Variants in LZTS1 observed in about 807,000 individuals in gnomAD.
LZTS1 encodes leucine zipper tumor suppressor 1.
LZTS1 carries 31 observed loss-of-function variants against 45.8 expected under a neutral mutation model. That is an observed-to-expected ratio of 0.68 (90% CI 0.51 to 0.91). LZTS1 has a LOEUF of 0.91. LZTS1 is among the 40% of genes least tolerant of loss of function. LZTS1 has a pLI of 0.00. For synonymous variants in LZTS1, 359 were observed against 357.3 expected, an observed-to-expected ratio of 1.00 and a Z score of -0.05; for missense variants, 821 against 788.9, an observed-to-expected ratio of 1.04 and a Z score of -0.49.
intron 1 of LZTS1, among the ~76,000 whole-genome samples, chr8:20,302,044 G>A (rs557671816): frequency 6.6e-6 from 1 of 152,136 alleles, no homozygotes; most frequent in African/African-American, 2.4e-5. Context: ...CATCCACCCA[G>A]CTGAGACCTC....
intron 2 of LZTS1, 61 bp from the exon 3 acceptor site, chr8:20,253,646 T>G (rs1585277326): frequency 4.6e-6 from 6 of 1,313,020 alleles, no homozygotes; most frequent in East Asian, 5.1e-5. Flanking sequence ...GCACCCTCCC[T>G]CCCCAGGCAC....
chr8:20,250,131 G>A lies in LZTS1; in HGVS notation c.1382C>T (p.Ala461Val), dbSNP rs138293365. Residue 461 changes from alanine (A) to valine (V), a missense_variant, in exon 4 of 4, where the codon GCG (alanine) becomes GTG (valine). Transcript: ENST00000381569. ...GTTCACCTTCTCCCGCAGCAGCTCC[G>A]CCTCGTTCTTCTTGCGCTGCAGCTC... The part of the protein sequence containing the change: ...ENELQRKKNE[A>V]ELLREKVNLL... 7.4e-5 allele frequency: 119 copies of A among 1,607,838 alleles called. No homozygotes were observed. The highest frequency in any genetic ancestry group is 3.7e-4 in the South Asian group (34 of 91,012).
At chr8:20,279,021 A>G (rs1179692331) in intron 1 of LZTS1, among the ~76,000 whole-genome samples, 1 of 152,220 alleles carries the variant, frequency 6.6e-6, no homozygotes, top group East Asian at 1.9e-4. Flanking sequence ...CACTCAGCAC[A>G]TAATGCTCTC....
chr8:20,280,629 C>T (rs534856920), intron 1 of LZTS1, among the ~76,000 whole-genome samples: 24 of 152,256 alleles, frequency 1.6e-4, no homozygotes, highest in Non-Finnish European at 2.5e-4. Flanking sequence ...GAGTCGATTG[C>T]GCTAATGTTA....
chr8:20,277,065 A>C (rs923387435), intron 1 of LZTS1, among the ~76,000 whole-genome samples: 1 of 152,246 alleles, frequency 6.6e-6, no homozygotes, highest in African/African-American at 2.4e-5. Context: ...TGAGACAGGA[A>C]GTAGGCAGAA....
intron 1 of LZTS1, among the ~76,000 whole-genome samples, chr8:20,299,959 T>C (rs930668505): frequency 2.0e-5 from 3 of 152,330 alleles, no homozygotes; most frequent in African/African-American, 7.2e-5. Flanking sequence ...CCTGGAACCA[T>C]GTGGCGGCTC....
rs1352766473 is a variant in LZTS1 at position 20,249,943 on chromosome 8, C to G, written c.1570G>C (p.Gly524Arg). ...ERQGHDQMSS[G>R]FQHERLVWKE... ...CACACGAGCCGCTCATGCTGGAAGC[C>G]CGAGGACATCTGGTCATGGCCTTGC... The change falls in exon 4 of 4, where the codon GGC becomes CGC. Residue 524 changes from glycine (G) to arginine (R), a missense_variant. Physicochemically the swap from Gly to Arg is moderately radical, Grantham distance 125. Coordinates refer to ENST00000381569, the MANE Select transcript of LZTS1 (RefSeq NM_021020.5). 6.2e-7 allele frequency: 1 copy of G among 1,614,184 alleles called. No homozygotes were observed. The highest frequency in any genetic ancestry group is 1.1e-5 in the South Asian group (1 of 91,084).
intron 1 of LZTS1, among the ~76,000 whole-genome samples, chr8:20,299,780 AC>A (rs1563904875): frequency 6.6e-6 from 1 of 152,182 alleles, no homozygotes; most frequent in Non-Finnish European, 1.5e-5. Flanking sequence ...GTAGCAATTC[AC>A]ACTCTCAACT....
intron 1 of LZTS1, chr8:20,290,405 G>A (rs1328885609): frequency 1.3e-5 from 2 of 152,268 alleles, no homozygotes; most frequent in African/African-American, 4.8e-5. Context: ...ACAAAGAGGA[G>A]AAGGAAGGCA....
chr8:20,295,964 C>T (rs918027276), intron 1 of LZTS1, among the ~76,000 whole-genome samples: 2 of 152,218 alleles, frequency 1.3e-5, no homozygotes, highest in African/African-American at 4.8e-5. Flanking sequence ...TCTCTCCCCT[C>T]TCCTTGCATG....
chr8:20,290,745 C>A (rs573597233), intron 1 of LZTS1, among the ~76,000 whole-genome samples: 2 of 152,330 alleles, frequency 1.3e-5, no homozygotes, highest in South Asian at 2.1e-4. Flanking sequence ...TTTTCTTTCT[C>A]TCCCTTTCCT....
At chr8:20,282,294 G>A (rs1373189195) in intron 1 of LZTS1, among the ~76,000 whole-genome samples, 1 of 152,220 alleles carries the variant, frequency 6.6e-6, no homozygotes, top group Non-Finnish European at 1.5e-5. Flanking sequence ...GCACTGGTGG[G>A]AAAGGCTTGC....
At chr8:20,261,747 G>C (rs2128894390) in intron 1 of LZTS1, among the ~76,000 whole-genome samples, 1 of 152,380 alleles carries the variant, frequency 6.6e-6, no homozygotes, top group East Asian at 1.9e-4. Context: ...AGTTGAAGCA[G>C]CTATGCCTTG....
At chr8:20,282,173 C>G (rs1236628849) in intron 1 of LZTS1, among the ~76,000 whole-genome samples, 1 of 152,142 alleles carries the variant, frequency 6.6e-6, no homozygotes, top group East Asian at 1.9e-4. Context: ...TTGGCAATAC[C>G]CTCACTGGCA....
chr8:20,268,876 C>T (rs1309904829), intron 1 of LZTS1, among the ~76,000 whole-genome samples: 1 of 152,052 alleles, frequency 6.6e-6, no homozygotes, highest in African/African-American at 2.4e-5. Context: ...CTGAGTCATT[C>T]CATCGGGTCG....
rs576612633 is a variant in LZTS1, at chr8:20,266,615, A to G, written c.-134-11300T>C. ...TTGGACCAAGACAAAAAAAAAATACAAGGCAGAGTTTCTGTTTTTGAGGAT... is the reference window on the plus strand; with the variant it reads ...TTGGACCAAGACAAAAAAAAAATACGAGGCAGAGTTTCTGTTTTTGAGGAT... On this transcript the variant is annotated intron_variant, in intron 1 of 3. Coordinates refer to ENST00000381569, the MANE Select transcript of LZTS1 (RefSeq NM_021020.5). Among the ~76,000 whole-genome samples, 129 of 152,208 alleles carry G rather than the reference A, an allele frequency of 8.5e-4. 2 individuals carry two copies. Among genetic ancestry groups the G allele is most frequent in the African/African-American group, 2.9e-3 (120 of 41,544 alleles).
chr8:20,283,079 A>T (rs1237007501), intron 1 of LZTS1, among the ~76,000 whole-genome samples: 1 of 152,178 alleles, frequency 6.6e-6, no homozygotes. Context: ...TGGAGAAGGT[A>T]TCTCCACCCA....
At chr8:20,297,035 C>T (rs1332164807) in intron 1 of LZTS1, among the ~76,000 whole-genome samples, 1 of 152,182 alleles carries the variant, frequency 6.6e-6, no homozygotes, top group Non-Finnish European at 1.5e-5. Context: ...CCCCTCCTTC[C>T]CACGATGCTC....
chr8:20,253,250 C>T lies in LZTS1; in HGVS notation c.681G>A (p.Leu227=). The T allele has an allele frequency of 6.2e-7, 1 of 1,614,102 alleles. No individual in the cohort carries two copies. The highest frequency in any genetic ancestry group is 8.5e-7 in the Non-Finnish European group (1 of 1,180,034). The stretch of plus-strand genomic sequence containing the variant: ...CTCCGTCGGAGAAGGACAGAGCCTT[C>T]AGGCTCATCATGTTGCTGTCCTGGA... ...IVLQDSNMMS[L]KALSFSDGGS... is the part of the protein sequence containing the mutation. Residue 227 remains leucine, a synonymous_variant, in exon 3 of 4, where the codon CTG becomes CTA. Transcript: ENST00000381569.
Sources: gnomAD v4.1 joint callset for allele counts (sites outside exome capture counted in the v4.1 genomes callset) on GRCh38, gnomAD v4.1.1 for gene constraint, MANE v1.5 for transcripts, NCBI Gene and HGNC (gene_info 2026-07-23, HGNC 2026-07-21) for gene names.